TMPRSS9: variants seen among roughly 807,000 people sequenced by gnomAD.
The protein encoded by TMPRSS9 is transmembrane protease serine 9.
TMPRSS9 carries 113 observed loss-of-function variants against 111.4 expected under a neutral mutation model. The ratio of observed to expected loss-of-function variants is 1.01; its 90% CI spans 0.87 to 1.19. TMPRSS9 has a LOEUF of 1.19. TMPRSS9 is among the 50% of genes most tolerant of loss of function. TMPRSS9 has a pLI of 0.00. For synonymous variants in TMPRSS9, 805 were observed against 659.1 expected, an observed-to-expected ratio of 1.22 and a Z score of -3.39; for missense variants, 1,803 against 1,513.1, an observed-to-expected ratio of 1.19 and a Z score of -3.18.
At chr19:2,422,185 C>T (rs772277088) in exon 14 of TMPRSS9, 1 of 1,554,348 alleles carries the variant, frequency 6.4e-7, no homozygotes, top group Non-Finnish European at 8.7e-7. Flanking sequence ...GTGAGCACCA[C>T]TGCTAGGGGA....
exon 8 of TMPRSS9, chr19:2,408,375 T>C: frequency 1.2e-6 from 2 of 1,613,472 alleles, no homozygotes; most frequent in Non-Finnish European, 1.7e-6. Flanking sequence ...CCCGACGAAG[T>C]GGGTGGCCTA....
At chr19:2,399,120 G>T in exon 4 of TMPRSS9, 2 of 1,613,632 alleles carry the variant, frequency 1.2e-6, no homozygotes, top group Non-Finnish European at 1.7e-6. Flanking sequence ...TGCAGCGAGG[G>T]ATCCGGGCAA....
intron 7 of TMPRSS9, among the ~76,000 whole-genome samples, chr19:2,406,014 CTTTTTTTT>C (rs749624348): frequency 1.0e-5 from 1 of 95,538 alleles, no homozygotes; most frequent in African/African-American, 3.9e-5. Flanking sequence ...TTCTTTCTTT[CTTTTTTTT>C]TTTTTTGAGA....
chr19:2,425,764 G>A, intron 17 of TMPRSS9, 163 bp from the exon 19 acceptor site: 3 of 1,192,150 alleles, frequency 2.5e-6, no homozygotes, highest in Non-Finnish European at 3.4e-6. Context: ...CGTGGCGGGT[G>A]TCCATAAATG....
chr19:2,405,737 G>A (rs1380806396), intron 7 of TMPRSS9, among the ~76,000 whole-genome samples, 192 bp downstream of exon 8: 4 of 142,690 alleles, frequency 2.8e-5, no homozygotes, highest in Non-Finnish European at 6.0e-5. Flanking sequence ...ACAGAATCTC[G>A]CTCTGTTGTC....
At position 2,411,161 on chromosome 19, in the gene TMPRSS9, G is replaced by A. The variant is rs374040366; in HGVS notation, c.1254+767G>A. Among the ~76,000 whole-genome samples the A allele has an allele frequency of 5.9e-5, 9 of 151,554 alleles. No individual in the cohort carries two copies. In the East Asian group the frequency reaches 5.9e-4, roughly 10 times the overall value. ...CTAAAAATACAAAAATTAGCCTGGC[G>A]TGGTGGCAGGTGCCTGTAATCCCAG... is the stretch of plus-strand genomic sequence containing the variant. On this transcript the variant is annotated intron_variant, in intron 9 of 17. Transcript: ENST00000648592.
upstream of TMPRSS9, among the ~76,000 whole-genome samples, chr19:2,388,504 C>T (rs944254913): frequency 1.4e-4 from 21 of 152,304 alleles, no homozygotes; most frequent in African/African-American, 4.1e-4. Context: ...AGATGGGAAA[C>T]GTATTCTCCC....
chr19:2,364,947 C>G (rs891471930), intron 1 of TMPRSS9, among the ~76,000 whole-genome samples: 2 of 151,244 alleles, frequency 1.3e-5, no homozygotes, highest in South Asian at 2.1e-4. Flanking sequence ...CCACTGCACT[C>G]CAGCCTGGGC....
chr19:2,377,994 C>T (rs1970353447), intron 1 of TMPRSS9, among the ~76,000 whole-genome samples: 1 of 151,790 alleles, frequency 6.6e-6, no homozygotes, highest in Non-Finnish European at 1.5e-5. Flanking sequence ...CCCACCTCAG[C>T]CTCCTGAGTA....
chr19:2,400,487 A>G (rs1423879314), intron 4 of TMPRSS9, among the ~76,000 whole-genome samples: 1 of 151,998 alleles, frequency 6.6e-6, no homozygotes, highest in Non-Finnish European at 1.5e-5. Flanking sequence ...GGTTGCAGTG[A>G]GCCAAGGTTG....
intron 1 of TMPRSS9, among the ~76,000 whole-genome samples, chr19:2,376,219 G>A (rs1258235142): frequency 4.6e-5 from 7 of 152,152 alleles, no homozygotes; most frequent in East Asian, 1.9e-4. Flanking sequence ...CAGCCACAGC[G>A]CAGCACAGCC....
intron 8 of TMPRSS9, 41 bp downstream of exon 9, chr19:2,408,671 A>AGGCG: frequency 6.3e-7 from 1 of 1,584,642 alleles, no homozygotes; most frequent in Non-Finnish European, 8.6e-7. Context: ...TCAGGCAGGC[A>AGGCG]GGCGGGCAAA....
At position 2,422,250 on chromosome 19, in the gene TMPRSS9, A is replaced by G. The variant is rs1417259796; in HGVS notation, c.2548+3A>G. ...CACCACACACACCCAGCTACCAGGTACCGGGAGAGACGGAGGGATCCCTGG... is the reference window on the plus strand; with the variant it reads ...CACCACACACACCCAGCTACCAGGTGCCGGGAGAGACGGAGGGATCCCTGG... On this transcript the variant is annotated splice_donor_region_variant and intron_variant, in intron 14 of 17. Coordinates refer to ENST00000648592, the Ensembl canonical transcript of TMPRSS9. The G allele has an allele frequency of 8.7e-6, 13 of 1,500,980 alleles. No homozygotes were observed. The highest frequency in any genetic ancestry group is 2.7e-6 in the Non-Finnish European group (3 of 1,129,790). 93.0% of individuals were successfully genotyped at this position (1,500,980 alleles called of 1,614,324 possible).
chr19:2,378,744 A>G (rs1970357925), intron 1 of TMPRSS9, among the ~76,000 whole-genome samples: 2 of 152,180 alleles, frequency 1.3e-5, no homozygotes, highest in Non-Finnish European at 2.9e-5. Context: ...GAGACTAGGT[A>G]ATTTATAAAA....
At chr19:2,368,579 C>T (rs1198292701) in intron 1 of TMPRSS9, among the ~76,000 whole-genome samples, 1 of 151,872 alleles carries the variant, frequency 6.6e-6, no homozygotes, top group Admixed American at 6.6e-5. Context: ...TAGCTGTCTC[C>T]CTGAGGCTTC....
intron 7 of TMPRSS9, among the ~76,000 whole-genome samples, chr19:2,407,082 G>A (rs1970984147): frequency 6.6e-6 from 1 of 151,980 alleles, no homozygotes; most frequent in African/African-American, 2.4e-5. Context: ...TTACATGTGT[G>A]AGCCACTGCA....
At chr19:2,377,491 C>T (rs1459280051) in intron 1 of TMPRSS9, among the ~76,000 whole-genome samples, 1 of 52,102 alleles carries the variant, frequency 1.9e-5, no homozygotes, top group Non-Finnish European at 3.4e-5. Context: ...CTCTCCCCCC[C>T]ACCCCTCTCC....
chr19:2,367,719 A>T (rs1229188775), intron 1 of TMPRSS9, among the ~76,000 whole-genome samples: 1 of 152,134 alleles, frequency 6.6e-6, no homozygotes, highest in Non-Finnish European at 1.5e-5. Flanking sequence ...ACCTGCCACC[A>T]TGCCTGGCTA....
exon 14 of TMPRSS9, chr19:2,422,057 C>T: frequency 1.2e-6 from 2 of 1,611,848 alleles, no homozygotes; most frequent in Non-Finnish European, 1.7e-6. Context: ...GGATGCTGGC[C>T]ACCACCAGCC....
Sources: allele counts gnomAD v4.1 joint callset (sites outside exome capture counted in the v4.1 genomes callset), GRCh38; gene constraint gnomAD v4.1.1; transcripts MANE v1.5; gene names NCBI Gene and HGNC (gene_info 2026-07-23, HGNC 2026-07-21).